Variants in HCRTR2 observed in about 807,000 individuals in gnomAD.
HCRTR2 encodes orexin receptor type 2.
HCRTR2 carries 22 observed loss-of-function variants against 49.0 expected under a neutral mutation model. That is an observed-to-expected ratio of 0.45 (90% CI 0.32 to 0.64). The LOEUF (loss-of-function observed/expected upper bound fraction) is 0.64, where lower values mean the gene tolerates loss of function less well. HCRTR2 is among the 30% of genes least tolerant of loss of function. HCRTR2 has a pLI of 0.04. For synonymous variants in HCRTR2, 236 were observed against 205.3 expected (o/e 1.15, Z -1.28); for missense variants, 491 against 559.4 (o/e 0.88, Z 1.23).
intron 1 of HCRTR2, among the ~76,000 whole-genome samples, chr6:55,224,162 A>G (rs961734660): frequency 3.9e-5 from 6 of 152,258 alleles, no homozygotes; most frequent in African/African-American, 1.4e-4. Context: ...TATAAACATT[A>G]GAAATTAAAT....
intron 1 of HCRTR2, 81 bp from the exon 2 acceptor site, chr6:55,248,558 T>G: frequency 8.7e-7 from 1 of 1,152,502 alleles, no homozygotes; most frequent in East Asian, 2.3e-5. Context: ...ATTTGTGGAC[T>G]TTATAGAAAT....
At chr6:55,155,485 T>TG (rs1336732900) in intron 1 of HCRTR2, among the ~76,000 whole-genome samples, 25 of 152,100 alleles carry the variant, frequency 1.6e-4, no homozygotes, top group African/African-American at 6.0e-4. Context: ...TTCACATCAT[T>TG]ACTAGCAATC....
chr6:55,156,694 T>G (rs986187676), intron 1 of HCRTR2, among the ~76,000 whole-genome samples: 1 of 152,046 alleles, frequency 6.6e-6, no homozygotes, highest in African/African-American at 2.4e-5. Flanking sequence ...TTTAAAGGAC[T>G]ATACACCATG....
chr6:55,273,608 T>A (rs944611013), intron 4 of HCRTR2, among the ~76,000 whole-genome samples: 1 of 152,154 alleles, frequency 6.6e-6, no homozygotes, highest in Non-Finnish European at 1.5e-5. Context: ...TACATGAAAG[T>A]TACCAATGAT....
chr6:55,229,582 A>G (rs531684122), intron 1 of HCRTR2, among the ~76,000 whole-genome samples: 61 of 152,330 alleles, frequency 4.0e-4, no homozygotes, highest in Admixed American at 2.5e-3. Flanking sequence ...TTCTGAATGC[A>G]ACATCATAGA....
intron 2 of HCRTR2, among the ~76,000 whole-genome samples, chr6:55,251,718 T>G (rs1158947054): frequency 6.6e-6 from 1 of 152,082 alleles, no homozygotes; most frequent in Admixed American, 6.6e-5. Context: ...TAGTGAATCT[T>G]TAAGATACCT....
At chr6:55,165,744 A>AATATATATATATATATATATAT (rs56655240) in intron 1 of HCRTR2, among the ~76,000 whole-genome samples, 1 of 128,506 alleles carries the variant, frequency 7.8e-6, no homozygotes, top group African/African-American at 3.1e-5. Flanking sequence ...TAGTATACAG[A>AATATATATATATATATATATAT]ATATATATAT....
At chr6:55,253,974 C>G (rs1217083673) in intron 2 of HCRTR2, among the ~76,000 whole-genome samples, 1 of 151,934 alleles carries the variant, frequency 6.6e-6, no homozygotes, top group African/African-American at 2.4e-5. Context: ...CAGCAAACAC[C>G]CATGACAGAC....
Position 55,282,561 on chromosome 6 carries a change from A to T in HCRTR2, c.*107A>T. On this transcript the variant is annotated 3_prime_UTR_variant, in exon 7 of 7. Transcript: ENST00000370862. ...GATGTGAAGCTAAAATTACTTGTGG[A>T]TCTTTTTTTTTTTTAATCTATTGCT... 1 of 682,572 alleles carries T rather than the reference A, an allele frequency of 1.5e-6. No homozygotes were observed. The highest frequency in any genetic ancestry group is 2.5e-6 in the Non-Finnish European group (1 of 393,464). The allele number at this position is 682,572 out of a possible 1,614,324, so 42.3% of individuals were successfully genotyped here. A position where few individuals can be genotyped will look rare whatever the true frequency, so the allele number is the denominator to read the frequency against.
intron 5 of HCRTR2, 39 bp downstream of exon 5, chr6:55,277,639 C>A: frequency 7.1e-7 from 1 of 1,408,612 alleles, no homozygotes; most frequent in Non-Finnish European, 1.0e-6. Flanking sequence ...AATAGCCTGC[C>A]TTTTCTTGAT....
rs541131617 is a variant in HCRTR2 at position 55,163,653 on chromosome 6, G to A, written c.-377-10558G>A. ...AGATGGATTAAAGACTTAAACGTAA[G>A]ACCTAAAAACCATAAGAACCCTAGA... On this transcript the variant is annotated intron_variant, in intron 1 of 7. Transcript: ENST00000615358. Among the ~76,000 whole-genome samples the A allele has an allele frequency of 2.6e-5, 4 of 152,210 alleles. No homozygotes were observed. In the East Asian group the frequency reaches 5.8e-4, roughly 22 times the overall value.
chr6:55,209,055 G>C (rs1373261643), intron 1 of HCRTR2, among the ~76,000 whole-genome samples: 4 of 152,122 alleles, frequency 2.6e-5, no homozygotes, highest in African/African-American at 9.7e-5. Context: ...TAGTGCATTA[G>C]TTTGTACTAT....
At chr6:55,162,425 CACAAG>C (rs1764819486) in intron 1 of HCRTR2, among the ~76,000 whole-genome samples, 1 of 152,142 alleles carries the variant, frequency 6.6e-6, no homozygotes, top group Non-Finnish European at 1.5e-5. Flanking sequence ...TAAAAACTGG[CACAAG>C]ACAAGGATGC....
chr6:55,123,478 A>G (rs1581783617), intron 1 of HCRTR2, among the ~76,000 whole-genome samples: 1 of 152,118 alleles, frequency 6.6e-6, no homozygotes, highest in East Asian at 1.9e-4. Flanking sequence ...TATGAAGCCA[A>G]CTTGATTGTG....
chr6:55,155,437 T>C (rs573006346), intron 1 of HCRTR2, among the ~76,000 whole-genome samples: 3 of 152,124 alleles, frequency 2.0e-5, no homozygotes, highest in African/African-American at 7.2e-5. Context: ...GTGTTACATA[T>C]TTGCACAAAA....
intron 1 of HCRTR2, among the ~76,000 whole-genome samples, chr6:55,241,722 T>G (rs1234442683): frequency 6.6e-6 from 1 of 152,080 alleles, no homozygotes; most frequent in Non-Finnish European, 1.5e-5. Flanking sequence ...TTCAATCTTT[T>G]AAAAAATACC....
At chr6:55,163,213 A>G (rs1443082031) in intron 1 of HCRTR2, among the ~76,000 whole-genome samples, 1 of 151,846 alleles carries the variant, frequency 6.6e-6, no homozygotes, top group Non-Finnish European at 1.5e-5. Flanking sequence ...CTCCAGCCTG[A>G]GTGACAGAGC....
At chr6:55,127,160 G>A (rs527427285) in intron 1 of HCRTR2, among the ~76,000 whole-genome samples, 1 of 152,018 alleles carries the variant, frequency 6.6e-6, no homozygotes, top group African/African-American at 2.4e-5. Context: ...CTGCCCAAAC[G>A]GCCACCAAGT....
chr6:55,203,721 A>G (rs543476015), intron 1 of HCRTR2, among the ~76,000 whole-genome samples: 9 of 152,262 alleles, frequency 5.9e-5, no homozygotes, highest in African/African-American at 1.9e-4. Context: ...AACATTTCCA[A>G]TATAAGTAAC....
Sources: allele counts gnomAD v4.1 joint callset (sites outside exome capture counted in the v4.1 genomes callset), GRCh38; gene constraint gnomAD v4.1.1; transcripts MANE v1.5; gene names NCBI Gene and HGNC (gene_info 2026-07-23, HGNC 2026-07-21).